The following RBFOX1 variants were observed in gnomAD, a reference collection of about 807,000 sequenced individuals.
RBFOX1 encodes the protein RNA binding protein fox-1 homolog 1.
In RBFOX1, 8 loss-of-function variants were observed where a neutral mutation model predicts 57.7. The observed-to-expected ratio is 0.14, with a 90% confidence interval of 0.08 to 0.25. The LOEUF (loss-of-function observed/expected upper bound fraction) is 0.25, where lower values mean the gene tolerates loss of function less well. Ranked by LOEUF, RBFOX1 falls within the 10% of genes least tolerant of loss-of-function variation. The pLI, the probability that RBFOX1 is intolerant of heterozygous loss-of-function variation, is 1.00. For missense variants in RBFOX1, 611 were observed against 548.5 expected, an observed-to-expected ratio of 1.11 and a Z score of -1.14; for synonymous variants, 326 against 222.4, an observed-to-expected ratio of 1.47 and a Z score of -4.15.
intron 3 of RBFOX1, among the ~76,000 whole-genome samples, chr16:5,747,481 C>G (rs1215505345): frequency 1.3e-5 from 2 of 152,136 alleles, no homozygotes; most frequent in Non-Finnish European, 2.9e-5. Context: ...TCTTGTACCT[C>G]TGGTAGAATT....
intron 4 of RBFOX1, among the ~76,000 whole-genome samples, chr16:7,364,044 C>T (rs751615519): frequency 6.6e-6 from 1 of 152,192 alleles, no homozygotes; most frequent in Non-Finnish European, 1.5e-5. Context: ...AGTAGAACAG[C>T]CAGTCAGCTT....
intron 4 of RBFOX1, among the ~76,000 whole-genome samples, chr16:7,292,591 G>A (rs975566979): frequency 4.7e-5 from 7 of 149,938 alleles, no homozygotes; most frequent in East Asian, 2.0e-4. Context: ...CGGTGATGAC[G>A]ATTAGGGTAT....
intron 1 of RBFOX1, among the ~76,000 whole-genome samples, chr16:5,253,292 G>C (rs1178031524): frequency 1.3e-5 from 2 of 152,072 alleles, no homozygotes; most frequent in African/African-American, 4.8e-5. Context: ...CGGGACTAGA[G>C]GCACCCACAA....
intron 5 of RBFOX1, among the ~76,000 whole-genome samples, chr16:7,563,456 A>G (rs1222344605): frequency 6.6e-6 from 1 of 152,126 alleles, no homozygotes; most frequent in Non-Finnish European, 1.5e-5. Context: ...CTATTGTTAT[A>G]TATATACATG....
chr16:7,138,506 C>G (rs1408403439), intron 4 of RBFOX1, among the ~76,000 whole-genome samples: 6 of 152,174 alleles, frequency 3.9e-5, no homozygotes, highest in African/African-American at 1.4e-4. Context: ...TCTCTGCCCA[C>G]AAACTCAGTC....
intron 3 of RBFOX1, among the ~76,000 whole-genome samples, chr16:6,933,715 A>T (rs1198320205): frequency 6.6e-6 from 1 of 152,262 alleles, no homozygotes; most frequent in African/African-American, 2.4e-5. Flanking sequence ...ACTGCGTCTC[A>T]TTAAAACAAA....
intron 1 of RBFOX1, among the ~76,000 whole-genome samples, chr16:5,241,255 G>A (rs2062160494): frequency 2.0e-5 from 3 of 152,178 alleles, no homozygotes; most frequent in African/African-American, 7.2e-5. Flanking sequence ...TGCATTCAGA[G>A]CTTGGGTCAC....
At position 6,451,454 on chromosome 16, in the gene RBFOX1, A is replaced by G. The variant is rs1338121869; in HGVS notation, c.-64+134397A>G. On this transcript the variant is annotated intron_variant, in intron 2 of 15. Transcript: ENST00000550418. ...GTTATCACTAGGAATATGGAGATGC[A>G]AGGAGACAGAGAGACTCACTCGGGC... Among the ~76,000 whole-genome samples, 6 of 152,242 alleles carry G rather than the reference A, an allele frequency of 3.9e-5. 1 individual carries two copies. In the South Asian group the frequency reaches 1.2e-3, roughly 32 times the overall value.
At chr16:6,575,119 G>T (rs943170187) in intron 2 of RBFOX1, among the ~76,000 whole-genome samples, 6 of 151,332 alleles carry the variant, frequency 4.0e-5, no homozygotes, top group African/African-American at 1.5e-4. Context: ...GGGTCTCCCC[G>T]CAAGGCGACA....
In RBFOX1 at chr16:7,390,472, C is replaced by G. The variant is rs981450208; in HGVS notation, c.28-127675C>G. ...ACCTTACTCACATCTTCTAACCTCT[C>G]AAAGCCTTGCCATATCATCTGTTCA... is the stretch of plus-strand genomic sequence containing the variant. On this transcript the variant is annotated intron_variant, in intron 4 of 15. Coordinates refer to ENST00000550418, the MANE Select transcript of RBFOX1 (RefSeq NM_018723.4). Among the ~76,000 whole-genome samples the G allele has an allele frequency of 1.3e-4, 20 of 152,204 alleles. 1 individual carries two copies. The highest frequency in any genetic ancestry group is 4.3e-4 in the African/African-American group (18 of 41,464).
At chr16:7,697,329 C>G (rs1202187802) in intron 14 of RBFOX1, among the ~76,000 whole-genome samples, 1 of 152,092 alleles carries the variant, frequency 6.6e-6, no homozygotes, top group Admixed American at 6.5e-5. Flanking sequence ...TGTCCACTCC[C>G]CACTCTTGTT....
intron 1 of RBFOX1, among the ~76,000 whole-genome samples, chr16:5,399,127 G>A (rs1424255955): frequency 6.6e-6 from 1 of 152,224 alleles, no homozygotes; most frequent in Non-Finnish European, 1.5e-5. Flanking sequence ...TAATAGGTAT[G>A]TGTGTCAGGG....
At chr16:5,894,069 A>G (rs919651338) in intron 4 of RBFOX1, among the ~76,000 whole-genome samples, 2 of 152,006 alleles carry the variant, frequency 1.3e-5, no homozygotes, top group African/African-American at 4.8e-5. Context: ...GGCCTGGCAA[A>G]TGGTCATGGT....
chr16:7,695,027 C>T (rs553213799), intron 14 of RBFOX1, among the ~76,000 whole-genome samples: 2 of 152,184 alleles, frequency 1.3e-5, no homozygotes, highest in Non-Finnish European at 2.9e-5. Flanking sequence ...CACAATATTT[C>T]TAAGAAAGGC....
At chr16:7,690,625 G>A (rs1452184571) in intron 14 of RBFOX1, among the ~76,000 whole-genome samples, 2 of 151,966 alleles carry the variant, frequency 1.3e-5, no homozygotes, top group Non-Finnish European at 2.9e-5. Context: ...TTCTTCTCCT[G>A]AGAGGCAGCC....
chr16:7,475,507 C>A (rs1256472162), intron 4 of RBFOX1, among the ~76,000 whole-genome samples: 3 of 151,810 alleles, frequency 2.0e-5, no homozygotes, highest in East Asian at 1.9e-4. Context: ...GTAGAGACGG[C>A]GTTTCACCGT....
intron 4 of RBFOX1, among the ~76,000 whole-genome samples, chr16:5,986,235 T>G (rs2060283703): frequency 6.6e-6 from 1 of 152,060 alleles, no homozygotes; most frequent in Admixed American, 6.6e-5. Context: ...GGCTAATTTT[T>G]GTATTGTTAG....
At chr16:6,514,336 G>C (rs767026684) in intron 2 of RBFOX1, among the ~76,000 whole-genome samples, 16 of 152,076 alleles carry the variant, frequency 1.1e-4, no homozygotes, top group Non-Finnish European at 1.5e-4. Flanking sequence ...AGTATGGCGT[G>C]GAGGCTTAAG....
intron 3 of RBFOX1, among the ~76,000 whole-genome samples, chr16:7,012,542 C>T (rs573562473): frequency 2.1e-4 from 32 of 152,266 alleles, no homozygotes; most frequent in Non-Finnish European, 4.3e-4. Flanking sequence ...ATTGGAACAC[C>T]TTATTTCTGG....
Sources: allele counts gnomAD v4.1 joint callset (sites outside exome capture counted in the v4.1 genomes callset), GRCh38; gene constraint gnomAD v4.1.1; transcripts MANE v1.5; gene names NCBI Gene and HGNC (gene_info 2026-07-23, HGNC 2026-07-21).